PALLD: variants seen among roughly 807,000 people sequenced by gnomAD.
PALLD encodes the protein palladin.
A neutral mutation model predicts 123.5 loss-of-function variants in PALLD; 61 were observed. That is an observed-to-expected ratio of 0.49 (90% CI 0.40 to 0.61). PALLD has a LOEUF of 0.61. PALLD is among the 20% of genes least tolerant of loss of function. The probability of loss-of-function intolerance (pLI) is 0.00; values close to 1 mark genes in which losing one functional copy is unlikely to be tolerated. For synonymous variants in PALLD, 465 were observed against 496.4 expected, an observed-to-expected ratio of 0.94 and a Z score of 0.84; for missense variants, 1,273 against 1,377.0, an observed-to-expected ratio of 0.92 and a Z score of 1.20.
chr4:168,654,169 T>C (rs1262900608), intron 2 of PALLD, among the ~76,000 whole-genome samples: 2 of 152,212 alleles, frequency 1.3e-5, no homozygotes, highest in Non-Finnish European at 2.9e-5. Context: ...AAAGGAACGA[T>C]TATAATTTCC....
At chr4:168,906,998 G>A (rs1197188879) in intron 15 of PALLD, among the ~76,000 whole-genome samples, 1 of 152,198 alleles carries the variant, frequency 6.6e-6, no homozygotes, top group African/African-American at 2.4e-5. Flanking sequence ...CAGGGGTTAT[G>A]AGCATGAACT....
chr4:168,562,931 T>C (rs1308538548), intron 2 of PALLD, among the ~76,000 whole-genome samples: 1 of 152,126 alleles, frequency 6.6e-6, no homozygotes, highest in African/African-American at 2.4e-5. Flanking sequence ...GAAGGGTATG[T>C]GAAAGGCAAG....
At chr4:168,502,106 G>A (rs1324827983) in intron 1 of PALLD, among the ~76,000 whole-genome samples, 1 of 152,152 alleles carries the variant, frequency 6.6e-6, no homozygotes, top group African/African-American at 2.4e-5. Context: ...TGAAAGAGGT[G>A]CCTAGCACAT....
At chr4:168,746,190 G>C (rs1052534786) in intron 10 of PALLD, among the ~76,000 whole-genome samples, 1 of 151,556 alleles carries the variant, frequency 6.6e-6, no homozygotes, top group Non-Finnish European at 1.5e-5. Flanking sequence ...ATAGATATGT[G>C]AATTCTATAA....
At chr4:168,737,165 C>T (rs985121678) in intron 10 of PALLD, among the ~76,000 whole-genome samples, 8 of 152,124 alleles carry the variant, frequency 5.3e-5, no homozygotes, top group African/African-American at 1.9e-4. Flanking sequence ...ACCTACAAAA[C>T]AAATAGGGCT....
chr4:168,919,077 A>G (rs1174330158), intron 17 of PALLD, among the ~76,000 whole-genome samples: 2 of 152,190 alleles, frequency 1.3e-5, no homozygotes, highest in Non-Finnish European at 2.9e-5. Context: ...GGTTATCTCT[A>G]TTTTTAATCA....
chr4:168,678,517 A>G (rs1353009668), intron 3 of PALLD, among the ~76,000 whole-genome samples: 2 of 152,168 alleles, frequency 1.3e-5, no homozygotes, highest in African/African-American at 2.4e-5. Flanking sequence ...TAGCGTATCA[A>G]GAAAAGATGG....
chr4:168,747,660 C>A (rs1236637467), intron 10 of PALLD, among the ~76,000 whole-genome samples: 1 of 152,088 alleles, frequency 6.6e-6, no homozygotes, highest in Non-Finnish European at 1.5e-5. Flanking sequence ...AGTTGGGGGA[C>A]CTGCCAGTCA....
At chr4:168,683,138 C>A (rs369439302) in intron 5 of PALLD, 35 bp downstream of exon 5, 3 of 1,195,644 alleles carry the variant, frequency 2.5e-6, no homozygotes, top group African/African-American at 3.0e-5. Context: ...CATAAGGGGT[C>A]GAACTCATCA....
intron 10 of PALLD, among the ~76,000 whole-genome samples, chr4:168,735,955 T>G (rs1411678494): frequency 6.6e-6 from 1 of 152,176 alleles, no homozygotes; most frequent in Non-Finnish European, 1.5e-5. Context: ...TTGACTAACA[T>G]TCCACAGGTT....
intron 10 of PALLD, among the ~76,000 whole-genome samples, chr4:168,804,581 C>T (rs1270436589): frequency 6.6e-6 from 1 of 152,174 alleles, no homozygotes; most frequent in African/African-American, 2.4e-5. Flanking sequence ...ATCAGCCCAT[C>T]GGGGCAGCAG....
intron 10 of PALLD, among the ~76,000 whole-genome samples, chr4:168,719,252 C>CCTT (rs1354493694): frequency 7.0e-5 from 6 of 85,714 alleles, no homozygotes; most frequent in African/African-American, 2.9e-4. Context: ...AAGTAATCTT[C>CCTT]TTTTTTTTTT....
At chr4:168,550,375 G>C (rs565850379) in intron 2 of PALLD, among the ~76,000 whole-genome samples, 1 of 152,208 alleles carries the variant, frequency 6.6e-6, no homozygotes, top group African/African-American at 2.4e-5. Flanking sequence ...AAGTCATGGA[G>C]CTCCCCCAGG....
At chr4:168,553,682 C>A (rs1257245712) in intron 2 of PALLD, among the ~76,000 whole-genome samples, 1 of 148,468 alleles carries the variant, frequency 6.7e-6, no homozygotes, top group African/African-American at 2.4e-5. Flanking sequence ...TATGTTTACC[C>A]ATTTTTGTTG....
At chr4:168,598,734 C>T in intron 2 of PALLD, 1 of 412,390 alleles carries the variant, frequency 2.4e-6, no homozygotes, top group Admixed American at 2.8e-5. Flanking sequence ...CTATCTGGAC[C>T]TGAGCCTGAA....
chr4:168,580,099 T>C (rs1156779641), intron 2 of PALLD, among the ~76,000 whole-genome samples: 1 of 152,058 alleles, frequency 6.6e-6, no homozygotes, highest in African/African-American at 2.4e-5. Context: ...CTTTTTTGGA[T>C]TCCACGTGTG....
chr4:168,911,267 A>G, intron 15 of PALLD, among the ~76,000 whole-genome samples: 1 of 152,212 alleles, frequency 6.6e-6, no homozygotes, highest in East Asian at 1.9e-4. Flanking sequence ...GTAACAACCC[A>G]TACCTCCTTT....
intron 2 of PALLD, among the ~76,000 whole-genome samples, chr4:168,640,159 TG>T (rs1712372910): frequency 1.3e-5 from 2 of 152,184 alleles, no homozygotes; most frequent in Non-Finnish European, 2.9e-5. Context: ...CGGGCCTCAC[TG>T]GCTCAAGTTC....
intron 3 of PALLD, among the ~76,000 whole-genome samples, chr4:168,677,198 C>A (rs1780945347): frequency 6.6e-6 from 1 of 151,356 alleles, no homozygotes; most frequent in Admixed American, 6.6e-5. Context: ...TTCTCCTGAC[C>A]AGCAGGTGCA....
Sources: gnomAD v4.1 joint callset for allele counts (sites outside exome capture counted in the v4.1 genomes callset) on GRCh38, gnomAD v4.1.1 for gene constraint, MANE v1.5 for transcripts, NCBI Gene and HGNC (gene_info 2026-07-23, HGNC 2026-07-21) for gene names.